Variants in NTRK2 observed in about 807,000 individuals in gnomAD.
The protein encoded by NTRK2 is BDNF/NT-3 growth factors receptor.
Under a neutral mutation model 94.5 loss-of-function variants are expected in NTRK2, and 13 were observed. The observed-to-expected ratio is 0.14, with a 90% CI of 0.09 to 0.22. The LOEUF (loss-of-function observed/expected upper bound fraction) is 0.22. Ranked by LOEUF, NTRK2 falls within the 10% of genes least tolerant of loss-of-function variation. The pLI, the probability that NTRK2 is intolerant of heterozygous loss-of-function variation, is 1.00. For synonymous variants in NTRK2, 372 were observed against 407.4 expected (o/e 0.91, Z 1.05); for missense variants, 639 against 1,071.2 (o/e 0.60, Z 5.63).
chr9:84,688,111 G>C (rs1271613706), intron 2 of NTRK2, among the ~76,000 whole-genome samples: 1 of 152,306 alleles, frequency 6.6e-6, no homozygotes, highest in Non-Finnish European at 1.5e-5. Flanking sequence ...AGTGGACTCA[G>C]GGTCTTTGAG....
intron 12 of NTRK2, among the ~76,000 whole-genome samples, chr9:84,793,975 A>C (rs1216615179): frequency 6.6e-6 from 1 of 152,162 alleles, no homozygotes; most frequent in Non-Finnish European, 1.5e-5. Context: ...TGCAGAAAAA[A>C]CTGTGCTGAC....
At chr9:84,670,222 G>T (rs1030447997) in intron 1 of NTRK2, among the ~76,000 whole-genome samples, 155 bp from the exon 2 acceptor site, 2 of 152,132 alleles carry the variant, frequency 1.3e-5, no homozygotes, top group African/African-American at 2.4e-5. Flanking sequence ...CCATCGCGGG[G>T]CAAGTTGATT....
At chr9:84,708,687 C>T (rs966344629) in intron 5 of NTRK2, among the ~76,000 whole-genome samples, 22 of 152,298 alleles carry the variant, frequency 1.4e-4, no homozygotes, top group Admixed American at 3.9e-4. Flanking sequence ...TGCTTAAACT[C>T]TATCTTGCCT....
At chr9:84,816,937 C>T (rs927775810) in intron 12 of NTRK2, among the ~76,000 whole-genome samples, 14 of 152,168 alleles carry the variant, frequency 9.2e-5, no homozygotes, top group Non-Finnish European at 1.5e-4. Flanking sequence ...GCATTTGTCA[C>T]AGACTATGCA....
At chr9:85,018,781 A>T (rs896020960) in intron 17 of NTRK2, among the ~76,000 whole-genome samples, 1 of 152,210 alleles carries the variant, frequency 6.6e-6, no homozygotes, top group African/African-American at 2.4e-5. Context: ...TCAGACATCA[A>T]GTAAGACCAT....
chr9:84,755,151 A>G (rs1170688364), intron 12 of NTRK2, among the ~76,000 whole-genome samples: 4 of 152,194 alleles, frequency 2.6e-5, no homozygotes, highest in Non-Finnish European at 4.4e-5. Flanking sequence ...TTGTAAATGC[A>G]ACCAGTGAAT....
At chr9:84,872,833 AG>A in intron 14 of NTRK2, 1 of 1,064,818 alleles carries the variant, frequency 9.4e-7, no homozygotes, top group Non-Finnish European at 1.1e-6. Flanking sequence ...GACATTATAA[AG>A]GGAGGGAGTA....
chr9:84,987,071 CT>C (rs1828410555), intron 17 of NTRK2, among the ~76,000 whole-genome samples: 1 of 152,122 alleles, frequency 6.6e-6, no homozygotes, highest in Admixed American at 6.5e-5. Flanking sequence ...TATTTGATAC[CT>C]TTTGATTTGA....
chr9:84,844,596 A>G (rs1264005975), intron 12 of NTRK2, among the ~76,000 whole-genome samples: 1 of 151,924 alleles, frequency 6.6e-6, no homozygotes, highest in Non-Finnish European at 1.5e-5. Context: ...AAGAAGCTAT[A>G]AAGTGTTAAT....
intron 17 of NTRK2, among the ~76,000 whole-genome samples, chr9:84,992,667 T>C (rs1232773843): frequency 6.6e-6 from 1 of 152,156 alleles, no homozygotes; most frequent in Non-Finnish European, 1.5e-5. Context: ...TGATTTGACT[T>C]CTGCCTCATT....
intron 6 of NTRK2, among the ~76,000 whole-genome samples, chr9:84,722,209 T>G (rs1488050359): frequency 2.8e-5 from 4 of 143,650 alleles, no homozygotes; most frequent in Non-Finnish European, 6.0e-5. Flanking sequence ...GATGTAACAT[T>G]GGTCTCTATT....
intron 12 of NTRK2, among the ~76,000 whole-genome samples, chr9:84,780,466 T>C (rs1441507919): frequency 6.6e-6 from 1 of 152,116 alleles, no homozygotes; most frequent in Non-Finnish European, 1.5e-5. Flanking sequence ...ACATATTTTG[T>C]AATAGGTTGT....
At chr9:85,019,440 G>C (rs1000316431) in intron 17 of NTRK2, among the ~76,000 whole-genome samples, 1 of 152,192 alleles carries the variant, frequency 6.6e-6, no homozygotes, top group African/African-American at 2.4e-5. Context: ...CCTCCATGAA[G>C]TAGGAAGTCA....
intron 9 of NTRK2, among the ~76,000 whole-genome samples, chr9:84,736,585 A>G (rs1446035346): frequency 6.6e-6 from 1 of 152,196 alleles, no homozygotes; most frequent in African/African-American, 2.4e-5. Context: ...CTGGAGGTGA[A>G]GGAGAGAAAT....
At chr9:84,975,028 C>T (rs761303693) in intron 17 of NTRK2, among the ~76,000 whole-genome samples, 4 of 152,152 alleles carry the variant, frequency 2.6e-5, no homozygotes, top group Non-Finnish European at 2.9e-5. Flanking sequence ...TGCCAGGAGA[C>T]ACTCATTGCC....
At chr9:84,788,705 G>A (rs2133163638) in intron 12 of NTRK2, among the ~76,000 whole-genome samples, 1 of 152,158 alleles carries the variant, frequency 6.6e-6, no homozygotes, top group East Asian at 1.9e-4. Flanking sequence ...AGGAGGGGGA[G>A]CAAATGGCAG....
chr9:84,739,621 T>C (rs2063495978), intron 9 of NTRK2, among the ~76,000 whole-genome samples: 1 of 152,290 alleles, frequency 6.6e-6, no homozygotes, highest in African/African-American at 2.4e-5. Flanking sequence ...CTTATGGAGC[T>C]GTAGGTGTAA....
chr9:84,780,405 A>T (rs539456089), intron 12 of NTRK2, among the ~76,000 whole-genome samples: 2 of 152,204 alleles, frequency 1.3e-5, no homozygotes, highest in East Asian at 3.9e-4. Flanking sequence ...GCCTTAATGG[A>T]ACACATAAGC....
intron 14 of NTRK2, among the ~76,000 whole-genome samples, chr9:84,932,221 A>G (rs1426210991): frequency 6.6e-6 from 1 of 152,214 alleles, no homozygotes. Context: ...CTTCCACAGA[A>G]TATTATACAG....
Sources: allele counts gnomAD v4.1 joint callset (sites outside exome capture counted in the v4.1 genomes callset), GRCh38; gene constraint gnomAD v4.1.1; transcripts MANE v1.5; gene names NCBI Gene and HGNC (gene_info 2026-07-23, HGNC 2026-07-21).